The following ZNF804B variants were observed in gnomAD, a reference collection of about 807,000 sequenced individuals.
The protein encoded by ZNF804B is zinc finger protein 804B, also known as zinc finger 804B.
A neutral mutation model predicts 101.4 loss-of-function variants in ZNF804B; 80 were observed. The observed-to-expected ratio is 0.79, with a 90% CI of 0.66 to 0.95. ZNF804B has a LOEUF of 0.95. Ranked by LOEUF, ZNF804B falls within the 40% of genes least tolerant of loss-of-function variation. ZNF804B has a pLI of 0.00. For synonymous variants in ZNF804B, 622 were observed against 558.8 expected (o/e 1.11, Z -1.59); for missense variants, 1,673 against 1,561.9 (o/e 1.07, Z -1.20).
At chr7:89,140,422 C>G (rs1790698334) in intron 1 of ZNF804B, among the ~76,000 whole-genome samples, 1 of 152,010 alleles carries the variant, frequency 6.6e-6, no homozygotes, top group Admixed American at 6.6e-5. Context: ...CTATGAAAGT[C>G]CTAGTATTTC....
At chr7:89,102,666 A>G (rs1417423788) in intron 1 of ZNF804B, among the ~76,000 whole-genome samples, 2 of 151,792 alleles carry the variant, frequency 1.3e-5, no homozygotes, top group Non-Finnish European at 2.9e-5. Flanking sequence ...TTCATTTGCT[A>G]TGCAGAAGCT....
chr7:89,265,696 C>CA (rs1306715297), intron 2 of ZNF804B, among the ~76,000 whole-genome samples: 9 of 152,064 alleles, frequency 5.9e-5, no homozygotes, highest in East Asian at 1.9e-4. Flanking sequence ...AACAATTATT[C>CA]AAAAAAATAG....
chr7:89,000,316 T>C (rs1788264561), intron 1 of ZNF804B, among the ~76,000 whole-genome samples: 1 of 152,002 alleles, frequency 6.6e-6, no homozygotes, highest in South Asian at 2.1e-4. Flanking sequence ...TAATAATTTA[T>C]AATTATGACT....
At chr7:89,291,852 G>T (rs1167258609) in intron 2 of ZNF804B, among the ~76,000 whole-genome samples, 1 of 152,016 alleles carries the variant, frequency 6.6e-6, no homozygotes, top group Non-Finnish European at 1.5e-5. Context: ...ACTCCCAAAG[G>T]TCAAGGATAA....
chr7:88,868,048 AGTGTGTGTGTGTGT>A lies in ZNF804B; in HGVS notation c.108+107989_108+108002del, dbSNP rs34267852. ...CATAATTCTACTGTGTGTGTGTGTG[AGTGTGTGTGTGTGT>A]GTGTGTGTGTGTGTGTGTGTGTGTA... On this transcript the variant is annotated intron_variant, in intron 1 of 3. Coordinates refer to ENST00000333190, the MANE Select transcript of ZNF804B (RefSeq NM_181646.5). Among the ~76,000 whole-genome samples the A allele has an allele frequency of 1.1e-4, 15 of 142,760 alleles. 1 individual carries two copies. Among genetic ancestry groups the A allele is most frequent in the African/African-American group, 3.6e-4 (14 of 38,956 alleles). The allele number at this position is 142,760 out of a possible 152,430, so 93.7% of individuals were successfully genotyped here. A position where few individuals can be genotyped will look rare whatever the true frequency, so the allele number is the denominator to read the frequency against.
At chr7:89,152,141 A>G (rs1790886948) in intron 1 of ZNF804B, among the ~76,000 whole-genome samples, 1 of 152,134 alleles carries the variant, frequency 6.6e-6, no homozygotes, top group South Asian at 2.1e-4. Context: ...TTGGCTTACC[A>G]TCTTTTGCTT....
chr7:89,129,093 C>A (rs1790510304), intron 1 of ZNF804B, among the ~76,000 whole-genome samples: 1 of 151,888 alleles, frequency 6.6e-6, no homozygotes, highest in African/African-American at 2.4e-5. Flanking sequence ...ATTTCTTATA[C>A]CTGCTAAAGT....
At chr7:88,983,761 A>G (rs988205879) in intron 1 of ZNF804B, among the ~76,000 whole-genome samples, 31 of 152,196 alleles carry the variant, frequency 2.0e-4, no homozygotes, top group Non-Finnish European at 3.7e-4. Flanking sequence ...ATAAAATTAT[A>G]TATATGGTTC....
At chr7:88,857,273 G>C (rs973781213) in intron 1 of ZNF804B, among the ~76,000 whole-genome samples, 2 of 152,080 alleles carry the variant, frequency 1.3e-5, no homozygotes, top group Non-Finnish European at 2.9e-5. Flanking sequence ...GAGCAGAACT[G>C]ACAGAAATAG....
At chr7:88,863,431 C>G (rs1791679772) in intron 1 of ZNF804B, among the ~76,000 whole-genome samples, 1 of 152,168 alleles carries the variant, frequency 6.6e-6, no homozygotes, top group African/African-American at 2.4e-5. Flanking sequence ...ATTTATTGAA[C>G]ATTTACTATG....
At chr7:89,078,600 C>G (rs1583973856) in intron 1 of ZNF804B, among the ~76,000 whole-genome samples, 1 of 147,942 alleles carries the variant, frequency 6.8e-6, no homozygotes, top group South Asian at 2.1e-4. Context: ...GATGTTAGGG[C>G]AATATAAAAA....
At chr7:89,252,645 A>G (rs1443539900) in intron 2 of ZNF804B, among the ~76,000 whole-genome samples, 7 of 152,204 alleles carry the variant, frequency 4.6e-5, no homozygotes, top group African/African-American at 4.8e-5. Flanking sequence ...ATGTTCATCA[A>G]TGGTGGATTG....
intron 1 of ZNF804B, among the ~76,000 whole-genome samples, chr7:89,108,708 G>A (rs1402854033): frequency 6.6e-6 from 1 of 152,082 alleles, no homozygotes; most frequent in Non-Finnish European, 1.5e-5. Context: ...TCTGTAGAAG[G>A]CCTGGCAGGA....
chr7:89,032,661 T>C (rs1349352714), intron 1 of ZNF804B, among the ~76,000 whole-genome samples: 3 of 152,104 alleles, frequency 2.0e-5, no homozygotes, highest in African/African-American at 7.2e-5. Context: ...GCACAGGGGC[T>C]TCACAAGTTG....
chr7:88,815,335 A>G (rs1790859610), intron 1 of ZNF804B, among the ~76,000 whole-genome samples: 1 of 149,610 alleles, frequency 6.7e-6, no homozygotes, highest in Admixed American at 6.7e-5. Flanking sequence ...ATAGAATACA[A>G]TTTATTGTGT....
chr7:88,868,314 C>T (rs1791767809), intron 1 of ZNF804B, among the ~76,000 whole-genome samples: 2 of 152,018 alleles, frequency 1.3e-5, no homozygotes, highest in African/African-American at 2.4e-5. Context: ...GCTCATGAAC[C>T]AACTGGGCTA....
chr7:89,158,708 TC>T (rs1791014407), intron 1 of ZNF804B, among the ~76,000 whole-genome samples: 2 of 152,186 alleles, frequency 1.3e-5, no homozygotes. Flanking sequence ...TAAGGGCATC[TC>T]CTGCACTTCT....
chr7:89,103,636 G>A (rs949433541), intron 1 of ZNF804B, among the ~76,000 whole-genome samples: 1 of 151,796 alleles, frequency 6.6e-6, no homozygotes, highest in Non-Finnish European at 1.5e-5. Flanking sequence ...TTCTAAAGAG[G>A]TCTTTAGGGT....
intron 1 of ZNF804B, among the ~76,000 whole-genome samples, chr7:88,799,870 G>A (rs1790552434): frequency 6.6e-6 from 1 of 152,132 alleles, no homozygotes; most frequent in African/African-American, 2.4e-5. Context: ...TCTTAGAAAC[G>A]TTAGTGAAAG....
Sources: gnomAD v4.1 joint callset for allele counts (sites outside exome capture counted in the v4.1 genomes callset) on GRCh38, gnomAD v4.1.1 for gene constraint, MANE v1.5 for transcripts, NCBI Gene and HGNC (gene_info 2026-07-23, HGNC 2026-07-21) for gene names.